The following PINX1 variants were observed in gnomAD, a reference collection of about 807,000 sequenced individuals.
The protein encoded by PINX1 is PIN2/TERF1-interacting telomerase inhibitor 1.
In PINX1, 34 loss-of-function variants were observed where a neutral mutation model predicts 25.4. That is an observed-to-expected ratio of 1.34 (90% CI 1.02 to 1.78). The LOEUF is 1.78. Among genes scored for constraint, PINX1 ranks in the 40% most tolerant of loss-of-function variants. The pLI, the probability that PINX1 is intolerant of heterozygous loss-of-function variation, is 0.00. For missense variants in PINX1, 592 were observed against 404.9 expected, an observed-to-expected ratio of 1.46 and a Z score of -3.97; for synonymous variants, 197 against 147.7, an observed-to-expected ratio of 1.33 and a Z score of -2.42.
intron 6 of PINX1, among the ~76,000 whole-genome samples, chr8:10,810,452 T>C (rs1324935733): frequency 6.6e-6 from 1 of 152,200 alleles, no homozygotes; most frequent in African/African-American, 2.4e-5. Context: ...TGTCTGTGCC[T>C]CCTGACAGAC....
chr8:10,793,456 A>T (rs1404541986), intron 6 of PINX1, among the ~76,000 whole-genome samples: 3 of 152,064 alleles, frequency 2.0e-5, no homozygotes, highest in Non-Finnish European at 4.4e-5. Context: ...TGTGCTATTT[A>T]AAAAAAATTG....
At chr8:10,766,728 G>T (rs970819891) in intron 6 of PINX1, among the ~76,000 whole-genome samples, 4 of 152,228 alleles carry the variant, frequency 2.6e-5, no homozygotes, top group African/African-American at 9.6e-5. Context: ...AATTTTAAAT[G>T]AGTATATCTC....
chr8:10,814,117 T>A (rs1797621536), intron 6 of PINX1, among the ~76,000 whole-genome samples: 1 of 152,190 alleles, frequency 6.6e-6, no homozygotes, highest in African/African-American at 2.4e-5. Flanking sequence ...CGATCATTTC[T>A]TTGTCTCCAC....
In PINX1 at chr8:10,832,919, C is replaced by A. The variant is rs776153349; in HGVS notation, c.195G>T (p.Leu65=). ...HIKVQVKNNH[L]GLGATINNED... is the part of the protein sequence containing the mutation. ...CATTATTGATGGTAGCTCCGAGTCC[C>A]AGGTGGTTATTTTTCACTTGAACTT... The change falls in exon 3 of 7, where the codon CTG becomes CTT. Residue 65 remains leucine (L), a synonymous_variant. Coordinates refer to ENST00000314787, the MANE Select transcript of PINX1 (RefSeq NM_017884.6). The A allele has an allele frequency of 5.6e-6, 9 of 1,611,718 alleles. No individual in the cohort carries two copies. In the Admixed American group the frequency reaches 1.5e-4, roughly 27 times the overall value.
chr8:10,827,008 T>C (rs1329955170), intron 4 of PINX1, among the ~76,000 whole-genome samples: 1 of 152,144 alleles, frequency 6.6e-6, no homozygotes, highest in Non-Finnish European at 1.5e-5. Flanking sequence ...AAAAAGATGA[T>C]GAAAACTGGC....
intron 3 of PINX1, 150 bp downstream of exon 3, chr8:10,832,742 T>A (rs1360174483): frequency 1.9e-6 from 1 of 520,608 alleles, no homozygotes; most frequent in African/African-American, 2.0e-5. Flanking sequence ...TATAGTGCCA[T>A]GCATTCAAAG....
Position 10,765,802 on chromosome 8 carries a change from G to C in PINX1, c.586C>G (p.Pro196Ala). 3 of 1,613,896 alleles carry C rather than the reference G, an allele frequency of 1.9e-6. No individual in the cohort carries two copies. The highest frequency in any genetic ancestry group is 2.5e-6 in the Non-Finnish European group (3 of 1,179,884). ...TCAGAAATGTCAGACCCTGGAACTG[G>C]AACCTGGGGCTTGTTCTTCAGTGCT... ...MAALKNKPQV[P>A]VPGSDISETQ... The change falls in exon 7 of 7, where the codon CCA (proline) becomes GCA (alanine). Residue 196 changes from proline (P) to alanine (A), a missense_variant. Transcript: ENST00000314787.
chr8:10,767,315 T>C (rs181619937), intron 6 of PINX1, among the ~76,000 whole-genome samples: 1 of 152,260 alleles, frequency 6.6e-6, no homozygotes, highest in African/African-American at 2.4e-5. Flanking sequence ...ATGTCCCAGT[T>C]GCAGTTCCAG....
At chr8:10,776,277 T>G (rs966200441) in intron 6 of PINX1, among the ~76,000 whole-genome samples, 3 of 151,856 alleles carry the variant, frequency 2.0e-5, no homozygotes, top group Non-Finnish European at 2.9e-5. Flanking sequence ...AATACAAAAA[T>G]TAGCCGGGTG....
chr8:10,837,254 C>T (rs1448427304), intron 1 of PINX1, among the ~76,000 whole-genome samples: 1 of 152,118 alleles, frequency 6.6e-6, no homozygotes, highest in Non-Finnish European at 1.5e-5. Flanking sequence ...CACCGAGTCT[C>T]TCACTAGCTT....
At position 10,769,188 on chromosome 8, in the gene PINX1, T is replaced by C. The variant is rs564302492; in HGVS notation, c.472-3272A>G. On this transcript the variant is annotated intron_variant, in intron 6 of 6. Coordinates refer to ENST00000314787, the MANE Select transcript of PINX1 (RefSeq NM_017884.6). ...GATTTAAGCTCAGGGATTCGGGAAA[T>C]GTCTCTCTCTCTTTTTCAAATTCCA... Among the ~76,000 whole-genome samples, 4 of 152,196 alleles carry C rather than the reference T, an allele frequency of 2.6e-5. No homozygotes were observed. The South Asian group carries it at 8.3e-4, about 32-fold the overall frequency.
chr8:10,834,838 A>T (rs780419545), intron 1 of PINX1, 63 bp from the exon 2 acceptor site: 1 of 1,092,372 alleles, frequency 9.2e-7, no homozygotes. Flanking sequence ...CCACACAAAC[A>T]TACACATGCA....
At chr8:10,828,887 A>AC (rs1342242179) in intron 4 of PINX1, among the ~76,000 whole-genome samples, 1 of 152,106 alleles carries the variant, frequency 6.6e-6, no homozygotes, top group Non-Finnish European at 1.5e-5. Flanking sequence ...CGGCCCTCAC[A>AC]CCCCTACGCT....
intron 6 of PINX1, among the ~76,000 whole-genome samples, chr8:10,799,822 T>A (rs1271194611): frequency 2.0e-5 from 3 of 152,230 alleles, no homozygotes; most frequent in Non-Finnish European, 4.4e-5. Flanking sequence ...CTGGGAATTT[T>A]ACTGGGCAAA....
At chr8:10,795,261 G>C (rs986862545) in intron 6 of PINX1, among the ~76,000 whole-genome samples, 1 of 152,188 alleles carries the variant, frequency 6.6e-6, no homozygotes, top group African/African-American at 2.4e-5. Context: ...CAATGTCTTT[G>C]ACCTGGCTAC....
intron 6 of PINX1, among the ~76,000 whole-genome samples, chr8:10,795,413 C>T (rs1344387479): frequency 6.6e-6 from 1 of 152,222 alleles, no homozygotes; most frequent in Non-Finnish European, 1.5e-5. Context: ...CTCTCTCCCC[C>T]ACACCAAGAC....
In PINX1 at chr8:10,814,950, G is replaced by A. The variant is rs114928570; in HGVS notation, c.471+5243C>T. Reference sequence around the variant, plus strand: ...GTGAAGCAATTTCTTCTTTTTCTTCGTTTTTTTGAGACAGGGTCTCACTCT... The same window carrying A: ...GTGAAGCAATTTCTTCTTTTTCTTCATTTTTTTGAGACAGGGTCTCACTCT... On this transcript the variant is annotated intron_variant, in intron 6 of 6. Transcript: ENST00000314787. Among the ~76,000 whole-genome samples the A allele has an allele frequency of 2.2e-3, 331 of 152,138 alleles. 1 individual carries two copies. Among genetic ancestry groups the A allele is most frequent in the African/African-American group, 7.5e-3 (310 of 41,476 alleles).
chr8:10,784,357 CTT>C (rs1368920952), intron 6 of PINX1, among the ~76,000 whole-genome samples: 4 of 152,188 alleles, frequency 2.6e-5, no homozygotes, highest in Non-Finnish European at 5.9e-5. Flanking sequence ...CAATCTAAAA[CTT>C]TTAACAATTT....
rs959195935 is a variant in PINX1 at position 10,783,175 on chromosome 8, G to C, written c.472-17259C>G. Among the ~76,000 whole-genome samples, 4 of 152,282 alleles carry C rather than the reference G, an allele frequency of 2.6e-5. No individual in the cohort carries two copies. In the East Asian group the frequency reaches 5.8e-4, roughly 22 times the overall value. On this transcript the variant is annotated intron_variant, in intron 6 of 6. Coordinates refer to ENST00000314787, the MANE Select transcript of PINX1 (RefSeq NM_017884.6). ...GAAATTTATGACATTTATGAACATT[G>C]AGCTTTGAACACTTATTAATAGTAT...
Sources: allele counts gnomAD v4.1 joint callset (sites outside exome capture counted in the v4.1 genomes callset), GRCh38; gene constraint gnomAD v4.1.1; transcripts MANE v1.5; gene names NCBI Gene and HGNC (gene_info 2026-07-23, HGNC 2026-07-21).